Variants in SCMH1 observed in about 807,000 individuals in gnomAD.
SCMH1 encodes the protein polycomb protein SCMH1.
SCMH1 carries 37 observed loss-of-function variants against 70.8 expected under a neutral mutation model. The ratio of observed to expected loss-of-function variants is 0.52; its 90% CI spans 0.40 to 0.69. The LOEUF (loss-of-function observed/expected upper bound fraction) is 0.69. Ranked by LOEUF, SCMH1 falls within the 30% of genes least tolerant of loss-of-function variation. The probability of loss-of-function intolerance (pLI) is 0.00; values close to 1 mark genes in which losing one functional copy is unlikely to be tolerated. For synonymous variants in SCMH1, 292 were observed against 307.4 expected, an observed-to-expected ratio of 0.95 and a Z score of 0.52; for missense variants, 607 against 827.3, an observed-to-expected ratio of 0.73 and a Z score of 3.27.
chr1:41,116,310 T>A lies in SCMH1; in HGVS notation c.501+612A>T, dbSNP rs1670459749. On this transcript the variant is annotated intron_variant, in intron 7 of 14. Transcript: ENST00000337495. ...CTAATTTAATACCCTTTACAGTAAC[T>A]TTTACCCCATTAGAAAATTCAACTG... is the stretch of plus-strand genomic sequence containing the variant. Among the ~76,000 whole-genome samples, 4 of 152,332 alleles carry A rather than the reference T, an allele frequency of 2.6e-5. No homozygotes were observed. In the South Asian group the frequency reaches 8.3e-4, roughly 32 times the overall value.
chr1:41,240,002 C>T (rs906012947), intron 1 of SCMH1, among the ~76,000 whole-genome samples: 3 of 152,210 alleles, frequency 2.0e-5, no homozygotes, highest in Admixed American at 2.0e-4. Context: ...CTCTACCTTT[C>T]ACTCCAAGTC....
At chr1:41,093,763 C>A (rs1235931915) in intron 8 of SCMH1, among the ~76,000 whole-genome samples, 1 of 152,138 alleles carries the variant, frequency 6.6e-6, no homozygotes, top group Non-Finnish European at 1.5e-5. Flanking sequence ...GTTGGTATCA[C>A]CACAATCTCA....
chr1:41,027,968 G>C, exon 15 of SCMH1: 2 of 565,132 alleles, frequency 3.5e-6, no homozygotes, highest in Non-Finnish European at 6.3e-6. Context: ...CGGCAGAGCT[G>C]AGGGAAGAGC....
At chr1:41,238,150 C>G (rs889673512) in intron 1 of SCMH1, among the ~76,000 whole-genome samples, 2 of 152,172 alleles carry the variant, frequency 1.3e-5, no homozygotes, top group African/African-American at 4.8e-5. Context: ...GTTTCTAACT[C>G]CAAAGCCTAG....
intron 8 of SCMH1, among the ~76,000 whole-genome samples, chr1:41,103,417 T>C (rs1160163230): frequency 2.0e-5 from 3 of 152,082 alleles, no homozygotes; most frequent in East Asian, 3.9e-4. Flanking sequence ...GCTGGGATTA[T>C]AGGCATGAGC....
chr1:41,159,398 C>G (rs1157190807), intron 4 of SCMH1, among the ~76,000 whole-genome samples: 3 of 152,210 alleles, frequency 2.0e-5, no homozygotes, highest in African/African-American at 7.2e-5. Flanking sequence ...ATATTAGCGA[C>G]AAAACCAAAA....
intron 11 of SCMH1, among the ~76,000 whole-genome samples, chr1:41,047,279 C>A (rs1646978136): frequency 6.6e-6 from 1 of 151,448 alleles, no homozygotes; most frequent in Admixed American, 6.6e-5. Flanking sequence ...TAAAGAGAGG[C>A]AGTAAAGAAG....
rs114149257 is a variant in SCMH1 at position 41,063,094 on chromosome 1, G to A, written c.1105+7501C>T. Among the ~76,000 whole-genome samples the A allele has an allele frequency of 2.4e-3, 364 of 152,070 alleles. 1 individual carries two copies. The highest frequency in any genetic ancestry group is 8.1e-3 in the African/African-American group (337 of 41,476). On this transcript the variant is annotated intron_variant, in intron 10 of 14. Transcript: ENST00000337495. ...CCATCTTAGGAAACTAGAAAAAGAA[G>A]AGCAAATTAAATCCAAAGTAAGCAG...
At chr1:41,233,978 T>C (rs1363031639) in intron 1 of SCMH1, among the ~76,000 whole-genome samples, 3 of 152,214 alleles carry the variant, frequency 2.0e-5, no homozygotes, top group African/African-American at 7.2e-5. Flanking sequence ...AAGGTATGTG[T>C]TGTTATTGTT....
intron 8 of SCMH1, 75 bp from the exon 9 acceptor site, chr1:41,075,526 T>C: frequency 8.1e-7 from 1 of 1,232,436 alleles, no homozygotes; most frequent in Non-Finnish European, 1.2e-6. Context: ...AAAAAAGGAC[T>C]TGCCACTTCT....
At chr1:41,197,591 A>T (rs536322700) in intron 1 of SCMH1, among the ~76,000 whole-genome samples, 42 of 152,184 alleles carry the variant, frequency 2.8e-4, no homozygotes, top group African/African-American at 9.9e-4. Context: ...TGGGATGATT[A>T]AAAAAAATTC....
chr1:41,034,175 C>T, intron 13 of SCMH1, 127 bp from the exon 14 acceptor site: 1 of 1,340,160 alleles, frequency 7.5e-7, no homozygotes, highest in Admixed American at 2.5e-5. Context: ...AGGCTAGAAT[C>T]AGCGCTCAGC....
chr1:41,030,215 AAAAAACAAAAAC>A (rs536907342), intron 13 of SCMH1, among the ~76,000 whole-genome samples: 1 of 152,166 alleles, frequency 6.6e-6, no homozygotes, highest in East Asian at 1.9e-4. Context: ...CCTGTCTCAA[AAAAAACAAAAAC>A]AAAAACAAAA....
intron 1 of SCMH1, among the ~76,000 whole-genome samples, chr1:41,222,546 A>G (rs72947926): frequency 0.012 from 1,882 of 152,272 alleles, 48 homozygotes; most frequent in African/African-American, 0.043. Context: ...AATACAGCAA[A>G]AGAGACTGTA....
chr1:41,083,122 C>T (rs1018509537), intron 8 of SCMH1, among the ~76,000 whole-genome samples: 2 of 152,072 alleles, frequency 1.3e-5, no homozygotes, highest in Admixed American at 1.3e-4. Flanking sequence ...AAGTTCTGGC[C>T]AGGGCAATTA....
At position 41,113,611 on chromosome 1, in the gene SCMH1, A is replaced by G. The variant is rs560273758; in HGVS notation, c.502-85T>C. ...ACTACTATCTAATTTGGATGATTAAAAAGTGACTGCTACATGAGACTTATA... is the reference window on the plus strand; with the variant it reads ...ACTACTATCTAATTTGGATGATTAAGAAGTGACTGCTACATGAGACTTATA... On this transcript the variant is annotated intron_variant, in intron 7 of 14. Transcript: ENST00000337495. The surrounding 1 kb of genome is among the most constrained non-coding windows in gnomAD (Gnocchi z 4.3). 15 of 1,451,478 alleles carry G rather than the reference A, an allele frequency of 1.0e-5. No individual in the cohort carries two copies. Among genetic ancestry groups the G allele is most frequent in the Non-Finnish European group, 2.8e-6 (3 of 1,081,224 alleles). 89.9% of individuals were successfully genotyped at this position (1,451,478 alleles called of 1,614,324 possible). A position where few individuals can be genotyped will look rare whatever the true frequency, so the allele number is the denominator to read the frequency against.
intron 10 of SCMH1, among the ~76,000 whole-genome samples, chr1:41,050,710 G>A (rs140848304): frequency 3.3e-5 from 5 of 152,258 alleles, no homozygotes; most frequent in East Asian, 1.9e-4. Flanking sequence ...GGTGGAAAGC[G>A]GACTGGAAAC....
intron 8 of SCMH1, among the ~76,000 whole-genome samples, chr1:41,104,816 T>C (rs952502373): frequency 6.6e-6 from 1 of 151,938 alleles, no homozygotes; most frequent in Non-Finnish European, 1.5e-5. Flanking sequence ...GGGCAGGGGG[T>C]GGTCCAGGTG....
intron 6 of SCMH1, among the ~76,000 whole-genome samples, chr1:41,133,700 A>G (rs1642771765): frequency 6.6e-6 from 1 of 152,216 alleles, no homozygotes; most frequent in African/African-American, 2.4e-5. Context: ...AAATGGATAA[A>G]TTCCTGGACA....
Sources: allele counts gnomAD v4.1 joint callset (sites outside exome capture counted in the v4.1 genomes callset), GRCh38; gene constraint gnomAD v4.1.1; non-coding constraint Gnocchi (gnomAD v3.1); transcripts MANE v1.5; gene names NCBI Gene and HGNC (gene_info 2026-07-23, HGNC 2026-07-21).